DAB1: variants seen among roughly 807,000 people sequenced by gnomAD.
DAB1 encodes DAB adaptor protein 1, also known as disabled homolog 1.
In DAB1, 15 loss-of-function variants were observed where a neutral mutation model predicts 64.6. The observed-to-expected ratio is 0.23, with a 90% CI of 0.16 to 0.36. The LOEUF (loss-of-function observed/expected upper bound fraction) is 0.36, where lower values mean the gene tolerates loss of function less well. DAB1 is among the 10% of genes least tolerant of loss of function. DAB1 has a pLI of 1.00. For missense variants in DAB1, 596 were observed against 706.7 expected, an observed-to-expected ratio of 0.84 and a Z score of 1.78; for synonymous variants, 235 against 251.9, an observed-to-expected ratio of 0.93 and a Z score of 0.64.
intron 4 of DAB1, among the ~76,000 whole-genome samples, chr1:58,318,530 C>A (rs779804460): frequency 2.0e-5 from 3 of 152,188 alleles, no homozygotes; most frequent in Non-Finnish European, 4.4e-5. Context: ...CATAGAGTCA[C>A]CAAATGTGAG....
intron 7 of DAB1, among the ~76,000 whole-genome samples, chr1:57,575,212 A>G (rs1330754130): frequency 6.6e-6 from 1 of 152,228 alleles, no homozygotes; most frequent in Non-Finnish European, 1.5e-5. Context: ...CAAATATTCT[A>G]TAAAAAAGAC....
intron 3 of DAB1, among the ~76,000 whole-genome samples, chr1:58,406,461 C>G (rs909895927): frequency 2.0e-5 from 3 of 152,244 alleles, no homozygotes; most frequent in Admixed American, 2.0e-4. Flanking sequence ...CATGATCCAG[C>G]CCTGGGCGTT....
rs137938224 is a variant in DAB1, at chr1:58,206,199, T to C, written n.310-55611A>G. On this transcript the variant is annotated intron_variant and non_coding_transcript_variant, in intron 4 of 20. Coordinates refer to the DAB1 transcript ENST00000485760. ...GACATCAACCAATACATGTAAGATATACATTGGTTCCGTCCAGAAAGGCGG... is the reference window on the plus strand; with the variant it reads ...GACATCAACCAATACATGTAAGATACACATTGGTTCCGTCCAGAAAGGCGG... 4.1e-3 allele frequency among the ~76,000 whole-genome samples: 628 copies of C among 152,280 alleles called. 1 individual carries two copies. The highest frequency in any genetic ancestry group is 0.015 in the African/African-American group (608 of 41,558).
At chr1:58,351,792 G>T (rs930413893) in intron 3 of DAB1, among the ~76,000 whole-genome samples, 1 of 149,642 alleles carries the variant, frequency 6.7e-6, no homozygotes, top group Admixed American at 6.7e-5. Context: ...GTTAATCTTT[G>T]CAGGGAGATG....
At chr1:58,295,918 C>T (rs1179255088) in intron 4 of DAB1, among the ~76,000 whole-genome samples, 2 of 151,536 alleles carry the variant, frequency 1.3e-5, no homozygotes, top group South Asian at 2.1e-4. Flanking sequence ...TGGTGAAATC[C>T]TGTCTTTATT....
At chr1:57,011,402 T>G in intron 12 of DAB1, 130 bp from the exon 13 acceptor site, 2 of 1,105,534 alleles carry the variant, frequency 1.8e-6, no homozygotes, top group Non-Finnish European at 2.6e-6. Flanking sequence ...TCCAGTGGAA[T>G]CAGTTGAATA....
In DAB1 at chr1:58,306,682, C is replaced by A. The variant is rs531937898; in HGVS notation, n.309+36670G>T. ...GGAATGAAGGTAAAAGGATCAATAC[C>A]CCTGCTTCCAGCTCATCTCTAGAGA... On this transcript the variant is annotated intron_variant and non_coding_transcript_variant, in intron 4 of 20. Transcript: ENST00000485760. Among the ~76,000 whole-genome samples the A allele has an allele frequency of 1.1e-4, 16 of 152,230 alleles. No homozygotes were observed. The South Asian group carries it at 3.1e-3, about 30-fold the overall frequency.
At chr1:57,374,973 A>G (rs1680784568) in intron 1 of DAB1, among the ~76,000 whole-genome samples, 1 of 152,094 alleles carries the variant, frequency 6.6e-6, no homozygotes, top group Non-Finnish European at 1.5e-5. Context: ...ATGACCTGCC[A>G]TTCTGTCCCA....
intron 7 of DAB1, among the ~76,000 whole-genome samples, chr1:57,496,107 G>T (rs1319990028): frequency 6.6e-6 from 1 of 152,192 alleles, no homozygotes; most frequent in Non-Finnish European, 1.5e-5. Context: ...TCATTATGAT[G>T]TAGATGATTT....
chr1:57,447,568 G>A (rs1312320397), intron 7 of DAB1, among the ~76,000 whole-genome samples: 1 of 152,160 alleles, frequency 6.6e-6, no homozygotes, highest in South Asian at 2.1e-4. Flanking sequence ...TTTCAGAAAG[G>A]TCAATGAAGA....
intron 2 of DAB1, among the ~76,000 whole-genome samples, chr1:58,525,282 A>G (rs77507461): frequency 0.12 from 17,656 of 152,084 alleles, 1,221 homozygotes; most frequent in African/African-American, 0.18. Flanking sequence ...GCACATTTCC[A>G]AAAAACCTTC....
chr1:57,969,888 C>G (rs901407044), intron 5 of DAB1, among the ~76,000 whole-genome samples: 1 of 152,158 alleles, frequency 6.6e-6, no homozygotes, highest in African/African-American at 2.4e-5. Context: ...GTCTCTCCAA[C>G]ATTCATTATT....
At chr1:58,162,777 T>G (rs1655610046) in intron 4 of DAB1, among the ~76,000 whole-genome samples, 1 of 152,202 alleles carries the variant, frequency 6.6e-6, no homozygotes. Flanking sequence ...CTGTATACAT[T>G]ATAGTCTATT....
At chr1:57,455,890 C>A (rs76433590) in intron 7 of DAB1, among the ~76,000 whole-genome samples, 2 of 152,086 alleles carry the variant, frequency 1.3e-5, no homozygotes, top group Non-Finnish European at 2.9e-5. Flanking sequence ...GGATTTCTTG[C>A]GGAACATTGC....
intron 5 of DAB1, among the ~76,000 whole-genome samples, chr1:57,949,503 C>A (rs1557572244): frequency 1.4e-5 from 2 of 147,098 alleles, no homozygotes; most frequent in Non-Finnish European, 3.0e-5. Context: ...ATCTATCTAT[C>A]TATCTATATC....
At chr1:57,199,790 T>G (rs1420066010) in intron 2 of DAB1, among the ~76,000 whole-genome samples, 1 of 152,188 alleles carries the variant, frequency 6.6e-6, no homozygotes, top group Admixed American at 6.5e-5. Context: ...AGTCCAAGTT[T>G]CCTTGGCTGT....
At chr1:58,323,627 C>A (rs914703272) in intron 4 of DAB1, among the ~76,000 whole-genome samples, 1 of 152,088 alleles carries the variant, frequency 6.6e-6, no homozygotes, top group Non-Finnish European at 1.5e-5. Flanking sequence ...ACAAGCCATG[C>A]ACTCTACTAG....
chr1:58,100,769 T>C (rs769565108), intron 5 of DAB1, among the ~76,000 whole-genome samples: 1 of 152,220 alleles, frequency 6.6e-6, no homozygotes, highest in Non-Finnish European at 1.5e-5. Flanking sequence ...CTCTGATTCA[T>C]TGCAGTATCC....
intron 7 of DAB1, among the ~76,000 whole-genome samples, chr1:57,436,897 G>GGCTGCCTGTAGTCCCA (rs1685716871): frequency 6.6e-6 from 1 of 152,040 alleles, no homozygotes; most frequent in Non-Finnish European, 1.5e-5. Context: ...ATGTGGTGGC[G>GGCTGCCTGTAGTCCCA]GCTGCCTGTA....
Sources: allele counts gnomAD v4.1 joint callset (sites outside exome capture counted in the v4.1 genomes callset), GRCh38; gene constraint gnomAD v4.1.1; transcripts MANE v1.5; gene names NCBI Gene and HGNC (gene_info 2026-07-23, HGNC 2026-07-21).